The following CRISPLD2 variants were observed in gnomAD, a reference collection of about 807,000 sequenced individuals.
CRISPLD2 encodes cysteine-rich secretory protein LCCL domain-containing 2.
CRISPLD2 carries 47 observed loss-of-function variants against 71.1 expected under a neutral mutation model. The observed-to-expected ratio is 0.66, with a 90% CI of 0.52 to 0.84. CRISPLD2 has a LOEUF of 0.84. Ranked by LOEUF, CRISPLD2 falls within the 40% of genes least tolerant of loss-of-function variation. The probability of loss-of-function intolerance (pLI) is 0.00; values close to 1 mark genes in which losing one functional copy is unlikely to be tolerated. For missense variants in CRISPLD2, 830 were observed against 651.1 expected, an observed-to-expected ratio of 1.27 and a Z score of -2.99; for synonymous variants, 317 against 250.1, an observed-to-expected ratio of 1.27 and a Z score of -2.52.
chr16:84,856,761 A>T (rs536973190), intron 6 of CRISPLD2, among the ~76,000 whole-genome samples: 1 of 152,330 alleles, frequency 6.6e-6, no homozygotes, highest in Admixed American at 6.5e-5. Context: ...CCACTGTTCT[A>T]TCAATCCAGC....
chr16:84,849,556 C>T (rs995818119), intron 4 of CRISPLD2, 39 bp downstream of exon 4: 2 of 1,601,924 alleles, frequency 1.2e-6, no homozygotes, highest in Admixed American at 1.7e-5. Context: ...CCCTGCCCCC[C>T]AATCCCAGTC....
At chr16:84,901,914 C>T (rs923470895) in intron 14 of CRISPLD2, among the ~76,000 whole-genome samples, 1 of 151,020 alleles carries the variant, frequency 6.6e-6, no homozygotes, top group Non-Finnish European at 1.5e-5. Context: ...CTGCCTCAGC[C>T]TCCCAAGTAG....
chr16:84,823,874 G>C (rs1916286977), intron 1 of CRISPLD2, among the ~76,000 whole-genome samples: 2 of 152,136 alleles, frequency 1.3e-5, no homozygotes, highest in African/African-American at 4.8e-5. Flanking sequence ...TCTGGAACGT[G>C]TTTTATTTTG....
At chr16:84,823,101 C>T (rs1355397116) in intron 1 of CRISPLD2, among the ~76,000 whole-genome samples, 1 of 152,208 alleles carries the variant, frequency 6.6e-6, no homozygotes, top group Non-Finnish European at 1.5e-5. Context: ...GTAAATGGAA[C>T]CACACAATGT....
chr16:84,894,490 C>G (rs1425839218), intron 14 of CRISPLD2, among the ~76,000 whole-genome samples: 1 of 152,068 alleles, frequency 6.6e-6, no homozygotes, highest in Non-Finnish European at 1.5e-5. Context: ...ATGGGCAGCC[C>G]CTGCGCTAGG....
chr16:84,868,097 C>A (rs555108791), intron 7 of CRISPLD2, among the ~76,000 whole-genome samples: 56 of 152,320 alleles, frequency 3.7e-4, no homozygotes, highest in African/African-American at 1.3e-3. Flanking sequence ...CAGCCTCACA[C>A]CCGCCTTCTC....
In CRISPLD2 at chr16:84,880,542, T is replaced by C. The variant is rs756961316; in HGVS notation, c.1263T>C (p.Pro421=). ...GTCCGGCACACTGCAAAGACGAACC[T>C]TCCTACTGGGCTCCGGTGTTTGGAA... ...IHCPAHCKDE[P]SYWAPVFGTN... is the part of the protein sequence containing the mutation. The change falls in exon 13 of 15, where the codon CCT becomes CCC. Residue 421 remains proline (P), a synonymous_variant. Transcript: ENST00000262424. 21 of 1,613,902 alleles carry C rather than the reference T, an allele frequency of 1.3e-5. No individual in the cohort carries two copies. Among genetic ancestry groups the C allele is most frequent in the African/African-American group, 4.0e-5 (3 of 75,014 alleles).
chr16:84,892,975 C>CA (rs35939092), intron 14 of CRISPLD2, among the ~76,000 whole-genome samples: 2,263 of 64,430 alleles, frequency 0.035, 96 homozygotes, highest in African/African-American at 0.1. Flanking sequence ...GACTCCATCT[C>CA]AAAAAAAAAA....
Position 84,848,224 on chromosome 16 carries a change from C to T in CRISPLD2, c.360-1161C>T, listed in dbSNP as rs372121949. Among the ~76,000 whole-genome samples, 61 of 152,354 alleles carry T rather than the reference C, an allele frequency of 4.0e-4. 1 individual carries two copies. In the South Asian group the frequency reaches 0.012, roughly 29 times the overall value. ...CGGATGAGTGGCCAGCAGCCCTCTG[C>T]TCCTGCCTCCTCACTGTGTGCACGC... On this transcript the variant is annotated intron_variant, in intron 3 of 14. Coordinates refer to ENST00000262424, the MANE Select transcript of CRISPLD2 (RefSeq NM_031476.4).
Position 84,903,606 on chromosome 16 carries a change from A to G in CRISPLD2, c.1440-2982A>G, listed in dbSNP as rs537906167. ...GACTCTGTCTTAAAATTTAAAAAAAAAAAAAAAAGCCCAAAGAGACTTAGT... is the reference window on the plus strand; with the variant it reads ...GACTCTGTCTTAAAATTTAAAAAAAGAAAAAAAAGCCCAAAGAGACTTAGT... On this transcript the variant is annotated intron_variant, in intron 14 of 14. Transcript: ENST00000262424. 1.1e-4 allele frequency among the ~76,000 whole-genome samples: 17 copies of G among 152,252 alleles called. No homozygotes were observed. In the South Asian group the frequency reaches 3.3e-3, roughly 30 times the overall value.
At chr16:84,851,009 T>C (rs1367500214) in intron 5 of CRISPLD2, among the ~76,000 whole-genome samples, 1 of 152,302 alleles carries the variant, frequency 6.6e-6, no homozygotes, top group South Asian at 2.1e-4. Flanking sequence ...TTTCTCCTTA[T>C]GTTCTTTGCC....
At chr16:84,876,944 C>T (rs1417606689) in intron 11 of CRISPLD2, among the ~76,000 whole-genome samples, 1 of 152,214 alleles carries the variant, frequency 6.6e-6, no homozygotes, top group African/African-American at 2.4e-5. Flanking sequence ...CCCCTCGCCC[C>T]TCAGCAGGGA....
In CRISPLD2 at chr16:84,906,689, G is replaced by A. The variant is rs1403786304; in HGVS notation, c.*47G>A. The stretch of plus-strand genomic sequence containing the variant: ...GGGGCGTCTTCAGGAGGGCTTCGGG[G>A]TTTTGCTTTTATTTTTATTTTGTCA... On this transcript the variant is annotated 3_prime_UTR_variant, in exon 15 of 15. Coordinates refer to ENST00000262424, the MANE Select transcript of CRISPLD2 (RefSeq NM_031476.4). 1 of 1,606,014 alleles carries A rather than the reference G, an allele frequency of 6.2e-7. No homozygotes were observed. Among genetic ancestry groups the A allele is most frequent in the Non-Finnish European group, 8.5e-7 (1 of 1,172,658 alleles).
chr16:84,851,359 T>C (rs1567687704), intron 5 of CRISPLD2, among the ~76,000 whole-genome samples: 1 of 152,244 alleles, frequency 6.6e-6, no homozygotes, highest in Non-Finnish European at 1.5e-5. Context: ...AAATATGTGC[T>C]GATTCTTGGA....
intron 14 of CRISPLD2, among the ~76,000 whole-genome samples, chr16:84,905,794 C>G (rs889577221): frequency 6.6e-6 from 1 of 151,492 alleles, no homozygotes; most frequent in African/African-American, 2.4e-5. Flanking sequence ...ACTGCATCCT[C>G]CGCCTCCCAG....
At chr16:84,854,882 C>G in intron 6 of CRISPLD2, 53 bp downstream of exon 6, 2 of 1,345,380 alleles carry the variant, frequency 1.5e-6, no homozygotes, top group East Asian at 4.6e-5. Flanking sequence ...CAGTCTGAGT[C>G]ATGCGACAGC....
At chr16:84,884,575 G>A (rs1175426130) in intron 13 of CRISPLD2, among the ~76,000 whole-genome samples, 1 of 152,186 alleles carries the variant, frequency 6.6e-6, no homozygotes, top group Non-Finnish European at 1.5e-5. Context: ...GGGCCCTGAG[G>A]AGAGGAATTG....
At chr16:84,897,547 A>C (rs1411940801) in intron 14 of CRISPLD2, among the ~76,000 whole-genome samples, 3 of 152,182 alleles carry the variant, frequency 2.0e-5, no homozygotes, top group African/African-American at 7.2e-5. Flanking sequence ...ACCTCTGTAA[A>C]CATTCCAGTG....
At chr16:84,901,787 CTTTTTTTTT>C (rs760025598) in intron 14 of CRISPLD2, among the ~76,000 whole-genome samples, 11 of 87,846 alleles carry the variant, frequency 1.3e-4, no homozygotes, top group Non-Finnish European at 1.8e-4. Flanking sequence ...ACTGGTTGCA[CTTTTTTTTT>C]TTTTTTTTTT....
Sources: gnomAD v4.1 joint callset for allele counts (sites outside exome capture counted in the v4.1 genomes callset) on GRCh38, gnomAD v4.1.1 for gene constraint, MANE v1.5 for transcripts, NCBI Gene and HGNC (gene_info 2026-07-23, HGNC 2026-07-21) for gene names.